The following LRRFIP1 variants were observed in gnomAD, a reference collection of about 807,000 sequenced individuals.
The protein encoded by LRRFIP1 is leucine-rich repeat flightless-interacting protein 1.
In LRRFIP1, 62 loss-of-function variants were observed where a neutral mutation model predicts 104.4. That is an observed-to-expected ratio of 0.59 (90% CI 0.48 to 0.73). The LOEUF is 0.73. LRRFIP1 is among the 30% of genes least tolerant of loss of function. The pLI, the probability that LRRFIP1 is intolerant of heterozygous loss-of-function variation, is 0.00. For missense variants in LRRFIP1, 796 were observed against 824.5 expected (o/e 0.97, Z 0.42); for synonymous variants, 300 against 299.0 (o/e 1.00, Z -0.03).
At chr2:237,745,883 G>A (rs1376539231) in intron 11 of LRRFIP1, among the ~76,000 whole-genome samples, 1 of 151,894 alleles carries the variant, frequency 6.6e-6, no homozygotes, top group Non-Finnish European at 1.5e-5. Flanking sequence ...CCCACCAAGA[G>A]TTAAACTAGC....
Position 237,751,179 on chromosome 2 carries a change from CT to C in LRRFIP1, c.796-15del. 4 of 1,586,216 alleles carry C rather than the reference CT, an allele frequency of 2.5e-6. No homozygotes were observed. The highest frequency in any genetic ancestry group is 1.3e-5 in the African/African-American group (1 of 74,366). On this transcript the variant is annotated intron_variant, in intron 13 of 23. Transcript: ENST00000308482. ...CCTGTTTTCCCTTGACATCATCTGCCTTTTTTGCCATTTCCCCCAGGAACTC... is the reference window on the plus strand; with the variant it reads ...CCTGTTTTCCCTTGACATCATCTGCCTTTTTGCCATTTCCCCCAGGAACTC...
chr2:237,714,451 GCC>G (rs1380678724), intron 3 of LRRFIP1, among the ~76,000 whole-genome samples, 175 bp downstream of exon 3: 1 of 152,146 alleles, frequency 6.6e-6, no homozygotes, highest in Non-Finnish European at 1.5e-5. Flanking sequence ...TCCTCATCTT[GCC>G]CCACTCAAAG....
chr2:237,733,674 G>A lies in LRRFIP1; in HGVS notation c.445-100G>A, dbSNP rs929683246. The A allele has an allele frequency of 6.0e-6, 7 of 1,168,634 alleles. No individual in the cohort carries two copies. In the African/African-American group the frequency reaches 6.0e-5, roughly 10 times the overall value. 72.4% of individuals were successfully genotyped at this position (1,168,634 alleles called of 1,614,324 possible). ...TCTGTTTAACCACTGTACAGCAGTT[G>A]GCTATGGTGAATGCTGAAACTATCG... On this transcript the variant is annotated intron_variant, in intron 8 of 23. Transcript: ENST00000308482.
Position 237,659,081 on chromosome 2 carries a change from T to TATG in LRRFIP1, c.96+31343_96+31344insGAT, listed in dbSNP as rs2087363303. ...TTCAAACCAGTGGGAAAAGATAAGT[T>TATG]ATTATTATTATTATTATATCTTTTT... On this transcript the variant is annotated intron_variant, in intron 1 of 23. Coordinates refer to ENST00000308482, the MANE Select transcript of LRRFIP1 (RefSeq NM_001137550.2). Among the ~76,000 whole-genome samples the TATG allele has an allele frequency of 6.1e-5, 4 of 65,060 alleles. No individual in the cohort carries two copies. The South Asian group carries it at 2.8e-3, about 45-fold the overall frequency. The allele number at this position is 65,060 out of a possible 152,430, so 42.7% of individuals were successfully genotyped here.
At position 237,751,110 on chromosome 2, in the gene LRRFIP1, C is replaced by T. The variant is rs536592582; in HGVS notation, c.796-90C>T. On this transcript the variant is annotated intron_variant, in intron 13 of 23. Transcript: ENST00000308482. ...AAAAGAAAATTGGGTGCTCAGACTA[C>T]CCAAATAGAAACTACCCTGAAGTAT... is the stretch of plus-strand genomic sequence containing the variant. The T allele has an allele frequency of 4.0e-5, 34 of 845,158 alleles. No homozygotes were observed. In the African/African-American group the frequency reaches 4.9e-4, roughly 12 times the overall value. The allele number at this position is 845,158 out of a possible 1,614,324, so 52.4% of individuals were successfully genotyped here.
intron 11 of LRRFIP1, among the ~76,000 whole-genome samples, chr2:237,746,183 T>C (rs555955469): frequency 6.6e-6 from 1 of 151,896 alleles, no homozygotes; most frequent in African/African-American, 2.4e-5. Context: ...CTCAACCTCC[T>C]GAGTAGCTGG....
intron 1 of LRRFIP1, among the ~76,000 whole-genome samples, chr2:237,692,744 CG>C (rs1273519519): frequency 6.6e-6 from 1 of 152,204 alleles, no homozygotes; most frequent in Non-Finnish European, 1.5e-5. Context: ...TATTGTGGGA[CG>C]CCACCTCCAA....
At chr2:237,763,309 G>A (rs772770596) in intron 19 of LRRFIP1, 23 of 1,613,946 alleles carry the variant, frequency 1.4e-5, no homozygotes, top group African/African-American at 5.3e-5. Flanking sequence ...GTCAGGAAGC[G>A]ACAGGTCCAA....
chr2:237,762,856 C>T lies in LRRFIP1; in HGVS notation c.1459+2651C>T, dbSNP rs3739042. 7.2e-3 allele frequency: 11,661 copies of T among 1,614,126 alleles called. 350 individuals are homozygous for T. The East Asian group carries it at 0.083, about 12-fold the overall frequency. On this transcript the variant is annotated intron_variant, in intron 19 of 23. Coordinates refer to ENST00000308482, the MANE Select transcript of LRRFIP1 (RefSeq NM_001137550.2). Reference sequence around the variant, plus strand: ...GCCAAATTCTTGAGAGCAGTTCTCTCCCTGAAAACACAGTACAGGTTGAGT... The same window carrying T: ...GCCAAATTCTTGAGAGCAGTTCTCTTCCTGAAAACACAGTACAGGTTGAGT...
chr2:237,726,293 A>G (rs2150253896), intron 7 of LRRFIP1, among the ~76,000 whole-genome samples: 1 of 151,392 alleles, frequency 6.6e-6, no homozygotes, highest in South Asian at 2.1e-4. Context: ...GCAAAGATAA[A>G]TATATAGTTT....
chr2:237,763,338 A>G (rs878870063), intron 19 of LRRFIP1: 2 of 1,614,152 alleles, frequency 1.2e-6, no homozygotes, highest in South Asian at 1.1e-5. Context: ...GACACTCAAA[A>G]TGAACCCTTA....
At chr2:237,695,982 C>CACACACACACACAT (rs56009658) in intron 1 of LRRFIP1, among the ~76,000 whole-genome samples, 2 of 152,026 alleles carry the variant, frequency 1.3e-5, no homozygotes, top group South Asian at 4.1e-4. Context: ...TAAACCAAAA[C>CACACACACACACAT]ACACACACAC....
intron 1 of LRRFIP1, among the ~76,000 whole-genome samples, chr2:237,644,057 G>T (rs190244693): frequency 7.9e-5 from 12 of 152,146 alleles, no homozygotes; most frequent in African/African-American, 2.9e-4. Context: ...CCTCTTTCCA[G>T]TTCCTTGTTT....
chr2:237,724,937 T>C (rs2094684445), intron 7 of LRRFIP1, among the ~76,000 whole-genome samples: 1 of 152,200 alleles, frequency 6.6e-6, no homozygotes, highest in African/African-American at 2.4e-5. Flanking sequence ...CTCTGTCTTT[T>C]GACTCATGTA....
chr2:237,758,404 C>T (rs970984856), intron 17 of LRRFIP1, among the ~76,000 whole-genome samples: 7 of 152,144 alleles, frequency 4.6e-5, no homozygotes, highest in Non-Finnish European at 1.0e-4. Context: ...GGAGACTTTG[C>T]GTAACTCTAA....
rs570077913 is a variant in LRRFIP1, at chr2:237,761,449, T to C, written c.1459+1244T>C. ...CCTTTATATGAGCTACCCGAACAGC[T>C]AGGAATCTGATTACGCTGCTCTTAC... On this transcript the variant is annotated intron_variant, in intron 19 of 23. Transcript: ENST00000308482. Among the ~76,000 whole-genome samples the C allele has an allele frequency of 5.9e-5, 9 of 152,370 alleles. No individual in the cohort carries two copies. In the East Asian group the frequency reaches 1.7e-3, roughly 29 times the overall value.
chr2:237,628,601 T>A (rs1299455559), intron 1 of LRRFIP1, among the ~76,000 whole-genome samples: 1 of 152,198 alleles, frequency 6.6e-6, no homozygotes, highest in Non-Finnish European at 1.5e-5. Flanking sequence ...GTTCCCTTTG[T>A]ACCATTTGAA....
rs372602691 is a variant in LRRFIP1, at chr2:237,756,072, A to C, written c.1039-23A>C. 4.5e-6 allele frequency: 7 copies of C among 1,543,050 alleles called. No homozygotes were observed. The African/African-American group carries it at 9.5e-5, about 21-fold the overall frequency. On this transcript the variant is annotated intron_variant, in intron 15 of 23. Transcript: ENST00000308482. ...CAGAAACATGGGATTCCACTGCTTT[A>C]GTGCTGTTTTTCTCCTTTACAGGAA...
chr2:237,714,328 C>T, intron 3 of LRRFIP1, 52 bp downstream of exon 3: 2 of 1,473,068 alleles, frequency 1.4e-6, no homozygotes, highest in South Asian at 1.2e-5. Context: ...TTTTTCCTTG[C>T]CAAGGGCCTG....
Sources: allele counts gnomAD v4.1 joint callset (sites outside exome capture counted in the v4.1 genomes callset), GRCh38; gene constraint gnomAD v4.1.1; transcripts MANE v1.5; gene names NCBI Gene and HGNC (gene_info 2026-07-23, HGNC 2026-07-21).